Variants in DSE observed in about 807,000 individuals in gnomAD.
DSE encodes the protein dermatan sulfate epimerase.
In DSE, 36 loss-of-function variants were observed where a neutral mutation model predicts 84.4. The ratio of observed to expected loss-of-function variants is 0.43; its 90% CI spans 0.33 to 0.56. DSE has a LOEUF of 0.56. DSE is among the 20% of genes least tolerant of loss of function. The pLI is 0.06. For synonymous variants in DSE, 410 were observed against 430.1 expected (o/e 0.95, Z 0.58); for missense variants, 862 against 1,169.6 (o/e 0.74, Z 3.84).
rs576128046 is a variant in DSE at position 116,258,892 on chromosome 6, GAGTT to G, written c.-125_-122del. On this transcript the variant is annotated 5_prime_UTR_variant, in exon 2 of 4. Coordinates refer to the DSE transcript ENST00000430252. Reference sequence around the variant, plus strand: ...GTTGTTGCAGCCGTGCATCATCATGGAGTTAGTAAGGCGCTCCACAATGGGACAC... The same window carrying G: ...GTTGTTGCAGCCGTGCATCATCATGGAGTAAGGCGCTCCACAATGGGACAC... 2.6e-4 allele frequency: 411 copies of G among 1,602,256 alleles called. No homozygotes were observed. The African/African-American group carries it at 4.9e-3, about 19-fold the overall frequency.
intron 2 of DSE, among the ~76,000 whole-genome samples, chr6:116,418,156 T>C (rs548146643): frequency 2.0e-5 from 3 of 152,206 alleles, no homozygotes; most frequent in African/African-American, 7.2e-5. Flanking sequence ...AGAGACCCTA[T>C]CCTCAAATGT....
At chr6:116,259,001 T>C (rs1562187660) in intron 2 of DSE, 11 of 1,493,752 alleles carry the variant, frequency 7.4e-6, no homozygotes, top group Non-Finnish European at 9.3e-6. Context: ...TTCACTGCAA[T>C]GTAATCCTGC....
chr6:116,264,978 T>C (rs1772560362), intron 2 of DSE, among the ~76,000 whole-genome samples: 1 of 152,118 alleles, frequency 6.6e-6, no homozygotes, highest in Non-Finnish European at 1.5e-5. Flanking sequence ...GGACCACTGT[T>C]CACTACACTT....
intron 1 of DSE, among the ~76,000 whole-genome samples, chr6:116,379,630 T>C (rs896353164): frequency 5.9e-5 from 9 of 152,192 alleles, no homozygotes; most frequent in African/African-American, 9.6e-5. Context: ...CACCTTTTTT[T>C]CTAAGGAAAC....
At chr6:116,344,805 C>T (rs1377185776) in intron 2 of DSE, among the ~76,000 whole-genome samples, 1 of 152,142 alleles carries the variant, frequency 6.6e-6, no homozygotes, top group Non-Finnish European at 1.5e-5. Flanking sequence ...GGGCTAAATG[C>T]TCCAATTAAA....
intron 2 of DSE, among the ~76,000 whole-genome samples, chr6:116,316,628 C>T (rs911237642): frequency 1.3e-5 from 2 of 151,664 alleles, no homozygotes. Context: ...ATAACCTTTA[C>T]TAGGACAATA....
intron 2 of DSE, among the ~76,000 whole-genome samples, chr6:116,287,255 A>G (rs1245644351): frequency 2.6e-5 from 4 of 152,046 alleles, no homozygotes; most frequent in African/African-American, 2.4e-5. Flanking sequence ...AAAAATATGG[A>G]TATTGACACC....
intron 1 of DSE, among the ~76,000 whole-genome samples, chr6:116,375,219 C>G (rs1779848959): frequency 6.7e-6 from 1 of 149,180 alleles, no homozygotes; most frequent in African/African-American, 2.4e-5. Context: ...GTGTACTGAT[C>G]GATGTACCAT....
Position 116,413,866 on chromosome 6 carries a change from G to T in DSE, c.417-12708G>T, listed in dbSNP as rs180831645. ...CCCACCATGAGGGCAGCAAAAATTG[G>T]TGATTTGACTACGGTTTTTCCCATT... On this transcript the variant is annotated intron_variant, in intron 2 of 5. Transcript: ENST00000644252. 1.6e-3 allele frequency among the ~76,000 whole-genome samples: 242 copies of T among 152,242 alleles called. 1 individual carries two copies. Among genetic ancestry groups the T allele is most frequent in the African/African-American group, 5.7e-3 (238 of 41,540 alleles).
At chr6:116,279,352 C>T (rs745917630) in intron 2 of DSE, 12 of 1,611,590 alleles carry the variant, frequency 7.4e-6, no homozygotes, top group Non-Finnish European at 1.0e-5. Context: ...GACGGTGGCG[C>T]ACTTTCCTGT....
intron 1 of DSE, among the ~76,000 whole-genome samples, chr6:116,374,759 C>CT (rs1779818367): frequency 6.6e-6 from 1 of 152,080 alleles, no homozygotes; most frequent in Non-Finnish European, 1.5e-5. Flanking sequence ...TCCTGTGAAA[C>CT]TATCAGTCTC....
At chr6:116,392,347 C>T (rs1163220165) in intron 1 of DSE, among the ~76,000 whole-genome samples, 3 of 152,136 alleles carry the variant, frequency 2.0e-5, no homozygotes, top group African/African-American at 7.2e-5. Context: ...CTGTTTTCCA[C>T]GGGAGAGGGT....
At chr6:116,264,435 G>T (rs1278516442) in intron 2 of DSE, among the ~76,000 whole-genome samples, 1 of 151,950 alleles carries the variant, frequency 6.6e-6, no homozygotes, top group Non-Finnish European at 1.5e-5. Context: ...TATCAGATCG[G>T]CTACAGTCTT....
chr6:116,306,779 G>T (rs1339395910), intron 2 of DSE, among the ~76,000 whole-genome samples: 1 of 152,140 alleles, frequency 6.6e-6, no homozygotes, highest in African/African-American at 2.4e-5. Context: ...GTTAGATGAA[G>T]TTATGGGGGC....
intron 2 of DSE, among the ~76,000 whole-genome samples, chr6:116,285,057 A>G (rs999828648): frequency 1.3e-5 from 2 of 152,170 alleles, no homozygotes; most frequent in Admixed American, 1.3e-4. Context: ...GCTGGGTCAA[A>G]TGGTATTTCT....
intron 2 of DSE, among the ~76,000 whole-genome samples, chr6:116,338,271 G>C (rs1374077276): frequency 2.3e-5 from 3 of 128,686 alleles, no homozygotes; most frequent in Non-Finnish European, 3.1e-5. Context: ...TGCCCAGGCT[G>C]GAGTGCAGTG....
intron 1 of DSE, among the ~76,000 whole-genome samples, chr6:116,398,741 A>G (rs1407721497): frequency 6.6e-6 from 1 of 152,228 alleles, no homozygotes; most frequent in African/African-American, 2.4e-5. Flanking sequence ...AAAAGGAGAT[A>G]AGTTACAGTG....
chr6:116,334,542 AT>A (rs112692375), intron 2 of DSE, among the ~76,000 whole-genome samples: 2 of 151,688 alleles, frequency 1.3e-5, no homozygotes, highest in African/African-American at 2.4e-5. Context: ...TTTGTTATTT[AT>A]TTTTTTTGCC....
At chr6:116,323,229 A>G (rs1776431006) in intron 2 of DSE, among the ~76,000 whole-genome samples, 1 of 152,150 alleles carries the variant, frequency 6.6e-6, no homozygotes, top group Admixed American at 6.5e-5. Context: ...TAAAATATGT[A>G]TTTTTTTCAG....
Sources: allele counts gnomAD v4.1 joint callset (sites outside exome capture counted in the v4.1 genomes callset), GRCh38; gene constraint gnomAD v4.1.1; transcripts MANE v1.5; gene names NCBI Gene and HGNC (gene_info 2026-07-23, HGNC 2026-07-21).